ATRNL1: variants seen among roughly 807,000 people sequenced by gnomAD.
ATRNL1 encodes attractin like 1.
In ATRNL1, 95 loss-of-function variants were observed where a neutral mutation model predicts 182.7. That is an observed-to-expected ratio of 0.52 (90% CI 0.44 to 0.62). The LOEUF is 0.62. Among genes scored for constraint, ATRNL1 ranks in the 20% least tolerant of loss-of-function variants. The probability of loss-of-function intolerance (pLI) is 0.00; values close to 1 mark genes in which losing one functional copy is unlikely to be tolerated. For missense variants in ATRNL1, 1,471 were observed against 1,679.5 expected (o/e 0.88, Z 2.17); for synonymous variants, 576 against 568.3 (o/e 1.01, Z -0.19).
chr10:115,835,919 C>T lies in ATRNL1; in HGVS notation c.3904-11958C>T, dbSNP rs141014360. Among the ~76,000 whole-genome samples, 284 of 152,308 alleles carry T rather than the reference C, an allele frequency of 1.9e-3. 3 individuals are homozygous for T. The highest frequency in any genetic ancestry group is 2.1e-3 in the East Asian group (11 of 5,162). ...CCCACTCAGGCAGAGGCTGCCGCACCACAGGTGAACTTCTCCCTCTGCCAC... is the reference window on the plus strand; with the variant it reads ...CCCACTCAGGCAGAGGCTGCCGCACTACAGGTGAACTTCTCCCTCTGCCAC... On this transcript the variant is annotated intron_variant, in intron 27 of 28. Transcript: ENST00000355044.
Position 115,394,682 on chromosome 10 carries a change from A to C in ATRNL1, c.3199A>C (p.Asn1067His). 6.2e-7 allele frequency: 1 copy of C among 1,611,852 alleles called. No individual in the cohort carries two copies. The highest frequency in any genetic ancestry group is 8.5e-7 in the Non-Finnish European group (1 of 1,178,544). ...CTACTCSGHA[N>H]ICHLHTGKCF... The stretch of plus-strand genomic sequence containing the variant: ...AGCTTGTACATGCAGTGGCCATGCA[A>C]ATATCTGTCATCTGCACACAGGAAA... Residue 1067 changes from asparagine (N) to histidine (H), a missense_variant, in exon 20 of 29, where the codon AAT (asparagine) becomes CAT (histidine). Around this residue, in one of 3 missense-constraint regions of ATRNL1, gnomAD observed 437 missense variants for 506.0 expected, o/e 0.86. Transcript: ENST00000355044.
At chr10:115,408,566 A>T (rs630362) in intron 20 of ATRNL1, among the ~76,000 whole-genome samples, 2 of 151,786 alleles carry the variant, frequency 1.3e-5, no homozygotes, top group South Asian at 2.1e-4. Flanking sequence ...GAAGTTTTTT[A>T]TCTTGATATA....
chr10:115,666,111 T>C (rs907491986), intron 26 of ATRNL1, among the ~76,000 whole-genome samples: 2 of 152,144 alleles, frequency 1.3e-5, no homozygotes, highest in Non-Finnish European at 2.9e-5. Flanking sequence ...AGTGGAAAGA[T>C]AGCTGTAAAA....
chr10:115,447,834 A>G (rs1392416985), intron 21 of ATRNL1, among the ~76,000 whole-genome samples: 8 of 151,940 alleles, frequency 5.3e-5, no homozygotes, highest in South Asian at 2.1e-4. Context: ...TACACTGCAA[A>G]TATTTATATT....
Position 115,233,351 on chromosome 10 carries a change from T to TA in ATRNL1, c.1533-8219dup, listed in dbSNP as rs369373178. ...ATTTCTTTTTCTGTTTATGATCTGATAGACTGAAAGGCAATTGATTTTTTA... is the reference window on the plus strand; with the variant it reads ...ATTTCTTTTTCTGTTTATGATCTGATAAGACTGAAAGGCAATTGATTTTTTA... On this transcript the variant is annotated intron_variant, in intron 9 of 28. Transcript: ENST00000355044. 2.7e-3 allele frequency among the ~76,000 whole-genome samples: 414 copies of TA among 152,330 alleles called. 3 individuals carry two copies. The highest frequency in any genetic ancestry group is 9.5e-3 in the African/African-American group (394 of 41,580).
intron 26 of ATRNL1, among the ~76,000 whole-genome samples, chr10:115,681,097 TGGAATGGGATTCTACTATTACTAG>T (rs1946033061): frequency 6.6e-6 from 1 of 152,162 alleles, no homozygotes; most frequent in Non-Finnish European, 1.5e-5. Context: ...TCCAGACATG[TGGAATGGGATTCTACTATTACTAG>T]GGAATGGATT....
At chr10:115,287,387 T>A (rs970719681) in intron 15 of ATRNL1, among the ~76,000 whole-genome samples, 30 of 152,078 alleles carry the variant, frequency 2.0e-4, no homozygotes, top group African/African-American at 7.2e-4. Context: ...GGATACTATT[T>A]TTTTGTCTTT....
At chr10:115,634,406 T>C (rs1051532819) in intron 26 of ATRNL1, among the ~76,000 whole-genome samples, 3 of 152,196 alleles carry the variant, frequency 2.0e-5, no homozygotes, top group Non-Finnish European at 4.4e-5. Flanking sequence ...TAGATATTGA[T>C]AGTTTTAAAT....
rs969443453 is a variant in ATRNL1 at position 115,220,695 on chromosome 10, G to T, written c.1532+4815G>T. Among the ~76,000 whole-genome samples, 7 of 128,724 alleles carry T rather than the reference G, an allele frequency of 5.4e-5. No homozygotes were observed. The Admixed American group carries it at 6.2e-4, about 11-fold the overall frequency. The allele number at this position is 128,724 out of a possible 152,430, so 84.4% of individuals were successfully genotyped here. A position where few individuals can be genotyped will look rare whatever the true frequency, so the allele number is the denominator to read the frequency against. The stretch of plus-strand genomic sequence containing the variant: ...AAACAAGTGTGCAGTGTGGGAAAGA[G>T]GTGTGGACAGAAATGGTAAATAAAA... On this transcript the variant is annotated intron_variant, in intron 9 of 28. Coordinates refer to ENST00000355044, the MANE Select transcript of ATRNL1 (RefSeq NM_207303.4).
chr10:115,935,154 G>A (rs1376572303), intron 28 of ATRNL1, among the ~76,000 whole-genome samples: 1 of 152,046 alleles, frequency 6.6e-6, no homozygotes, highest in Non-Finnish European at 1.5e-5. Context: ...GCAAATCTAG[G>A]AGCTCTTGAA....
At chr10:115,191,428 C>T (rs1303318752) in intron 8 of ATRNL1, among the ~76,000 whole-genome samples, 2 of 152,018 alleles carry the variant, frequency 1.3e-5, no homozygotes, top group African/African-American at 4.8e-5. Flanking sequence ...GATTGTATCT[C>T]ATTATAATTT....
At chr10:115,277,300 G>A (rs1274962219) in intron 13 of ATRNL1, among the ~76,000 whole-genome samples, 1 of 151,818 alleles carries the variant, frequency 6.6e-6, no homozygotes, top group Non-Finnish European at 1.5e-5. Context: ...ATTATATCTG[G>A]GTACTTTTTA....
intron 21 of ATRNL1, among the ~76,000 whole-genome samples, chr10:115,428,376 T>C (rs1845999965): frequency 6.6e-6 from 1 of 152,074 alleles, no homozygotes; most frequent in Admixed American, 6.5e-5. Flanking sequence ...CTCTTGATGG[T>C]TTTCTTTCTT....
intron 20 of ATRNL1, among the ~76,000 whole-genome samples, chr10:115,417,795 G>A (rs1224475122): frequency 1.1e-4 from 16 of 152,298 alleles, no homozygotes; most frequent in African/African-American, 3.6e-4. Flanking sequence ...GCCCTGCAGA[G>A]CCCTGCCAAC....
intron 26 of ATRNL1, among the ~76,000 whole-genome samples, chr10:115,557,812 C>T (rs1051546155): frequency 6.6e-6 from 1 of 152,038 alleles, no homozygotes; most frequent in Non-Finnish European, 1.5e-5. Context: ...TTTGAGAGGC[C>T]GAGGCTGGCG....
intron 17 of ATRNL1, among the ~76,000 whole-genome samples, chr10:115,306,189 A>G (rs1189151622): frequency 6.6e-6 from 1 of 152,110 alleles, no homozygotes; most frequent in Non-Finnish European, 1.5e-5. Flanking sequence ...CATTTTAACC[A>G]TTGGTAAATA....
chr10:115,857,765 A>G (rs2907575), intron 28 of ATRNL1, among the ~76,000 whole-genome samples: 103,207 of 152,158 alleles, frequency 0.68, 37,161 homozygotes, highest in East Asian at 0.8. Flanking sequence ...TCAACTTTAA[A>G]AGTTAATTCA....
At chr10:115,203,179 C>A (rs968287632) in intron 8 of ATRNL1, among the ~76,000 whole-genome samples, 2 of 152,036 alleles carry the variant, frequency 1.3e-5, no homozygotes, top group African/African-American at 4.8e-5. Context: ...AAAGCCCTAA[C>A]AATGATGAAT....
intron 19 of ATRNL1, among the ~76,000 whole-genome samples, chr10:115,382,047 C>T (rs781822322): frequency 5.3e-5 from 8 of 152,012 alleles, no homozygotes; most frequent in Non-Finnish European, 7.4e-5. Context: ...AATTTTCTTC[C>T]ATTTATACAC....
Sources: allele counts gnomAD v4.1 joint callset (sites outside exome capture counted in the v4.1 genomes callset), GRCh38; gene constraint gnomAD v4.1.1; regional missense constraint gnomAD v4.1.1; transcripts MANE v1.5; gene names NCBI Gene and HGNC (gene_info 2026-07-23, HGNC 2026-07-21).